SCYL2: variants seen among roughly 807,000 people sequenced by gnomAD.
SCYL2 encodes SCY1-like protein 2.
SCYL2 carries 36 observed loss-of-function variants against 100.4 expected under a neutral mutation model. The observed-to-expected ratio is 0.36, with a 90% CI of 0.27 to 0.47. SCYL2 has a LOEUF of 0.47. SCYL2 is among the 20% of genes least tolerant of loss of function. The pLI is 1.00. For synonymous variants in SCYL2, 330 were observed against 359.2 expected, an observed-to-expected ratio of 0.92 and a Z score of 0.92; for missense variants, 902 against 1,083.9, an observed-to-expected ratio of 0.83 and a Z score of 2.36.
At chr12:100,304,331 G>A (rs751548256) in intron 4 of SCYL2, among the ~76,000 whole-genome samples, 1 of 152,140 alleles carries the variant, frequency 6.6e-6, no homozygotes, top group Middle Eastern at 3.2e-3. Flanking sequence ...AGCCAGCTCG[G>A]TGTCTGCCCA....
At chr12:100,312,796 T>C (rs939222398) in intron 6 of SCYL2, 143 bp downstream of exon 6, 11 of 594,360 alleles carry the variant, frequency 1.9e-5, no homozygotes, top group Non-Finnish European at 2.8e-5. Context: ...AATAATTTAT[T>C]ATATTTTTAT....
chr12:100,278,646 T>G (rs2096294977), intron 1 of SCYL2, among the ~76,000 whole-genome samples: 1 of 151,228 alleles, frequency 6.6e-6, no homozygotes, highest in South Asian at 2.1e-4. Context: ...TTTTTTTTTT[T>G]TTGAGATGGA....
chr12:100,291,608 C>A lies in SCYL2; in HGVS notation c.283C>A (p.Arg95=), dbSNP rs562361393. The part of the protein sequence containing the change: ...SLKRGVQQLT[R]LRHPRLLTVQ... ...AAAACGAGGAGTCCAACAGTTAACT[C>A]GGCTTCGACACCCTCGACTTCTTAC... The change falls in exon 3 of 18, where the codon CGG becomes AGG. Residue 95 remains arginine, a synonymous_variant. Transcript: ENST00000360820. 6.3e-6 allele frequency: 10 copies of A among 1,599,436 alleles called. No homozygotes were observed. In the Admixed American group the frequency reaches 1.4e-4, roughly 22 times the overall value.
intron 4 of SCYL2, among the ~76,000 whole-genome samples, chr12:100,305,021 A>G (rs956997800): frequency 6.6e-6 from 1 of 152,216 alleles, no homozygotes; most frequent in Admixed American, 6.5e-5. Flanking sequence ...TTAGAGACCT[A>G]CAAAGAGACT....
At chr12:100,280,188 G>A (rs1410375098) in intron 1 of SCYL2, among the ~76,000 whole-genome samples, 6 of 152,164 alleles carry the variant, frequency 3.9e-5, no homozygotes, top group African/African-American at 1.4e-4. Flanking sequence ...AAAGCAAGAG[G>A]GCAGATTCAC....
At chr12:100,337,026 G>A (rs531267142) in intron 16 of SCYL2, among the ~76,000 whole-genome samples, 1 of 152,178 alleles carries the variant, frequency 6.6e-6, no homozygotes, top group South Asian at 2.1e-4. Flanking sequence ...TTTGCTTTTT[G>A]TGAGTTCCTA....
chr12:100,294,277 C>T (rs1173879025), intron 3 of SCYL2, among the ~76,000 whole-genome samples: 70 of 136,316 alleles, frequency 5.1e-4, no homozygotes, highest in Admixed American at 1.7e-3. Flanking sequence ...ACCTCCCTCC[C>T]GGACGGGGCG....
chr12:100,318,114 G>T (rs899206457), intron 10 of SCYL2, among the ~76,000 whole-genome samples, 189 bp downstream of exon 10: 21 of 152,246 alleles, frequency 1.4e-4, no homozygotes, highest in African/African-American at 4.6e-4. Flanking sequence ...TAAAGAATCA[G>T]TGTATTGTAA....
chr12:100,279,253 G>C (rs924012167), intron 1 of SCYL2, among the ~76,000 whole-genome samples: 3 of 152,186 alleles, frequency 2.0e-5, no homozygotes, highest in African/African-American at 4.8e-5. Flanking sequence ...CACAACCTAG[G>C]TCCCTTGCAT....
At chr12:100,313,368 A>G (rs1265183629) in intron 6 of SCYL2, 54 bp from the exon 7 acceptor site, 2 of 769,322 alleles carry the variant, frequency 2.6e-6, no homozygotes, top group Non-Finnish European at 4.3e-6. Context: ...TCTTAAATGT[A>G]TATGTCTTTT....
At position 100,337,458 on chromosome 12, in the gene SCYL2, G is replaced by A; in HGVS notation, c.2097G>A (p.Gln699=). 1.2e-6 allele frequency: 2 copies of A among 1,612,368 alleles called. No individual in the cohort carries two copies. The highest frequency in any genetic ancestry group is 1.7e-6 in the Non-Finnish European group (2 of 1,179,470). ...EQEQAQKLKS[Q]QPLKPQVHTP... ...AGCAGGCACAGAAGCTGAAAAGCCA[G>A]CAGCCTCTTAAACCCCAAGTGCACA... The change falls in exon 17 of 18, where the codon CAG becomes CAA. Residue 699 remains glutamine (Q), a synonymous_variant. Coordinates refer to ENST00000360820, the MANE Select transcript of SCYL2 (RefSeq NM_017988.6).
intron 8 of SCYL2, 135 bp downstream of exon 8, chr12:100,314,749 A>G (rs113151055): frequency 0.026 from 22,215 of 864,230 alleles, 365 homozygotes; most frequent in African/African-American, 0.059. Flanking sequence ...AACACTGCCA[A>G]CTGAAGCCAA....
rs77417027 is a variant in SCYL2, at chr12:100,334,014, T to C, written c.1762-152T>C. 1,100 of 534,030 alleles carry C rather than the reference T, an allele frequency of 2.1e-3. 10 individuals are homozygous for C. Among genetic ancestry groups the C allele is most frequent in the African/African-American group, 0.019 (962 of 51,854 alleles). The allele number at this position is 534,030 out of a possible 1,614,324, so 33.1% of individuals were successfully genotyped here. On this transcript the variant is annotated intron_variant, in intron 13 of 17. Coordinates refer to ENST00000360820, the MANE Select transcript of SCYL2 (RefSeq NM_017988.6). ...TGCTATGATATGCCGAATTTAAATGTATCATTCTTATTGAATATCAGCGCT... is the reference window on the plus strand; with the variant it reads ...TGCTATGATATGCCGAATTTAAATGCATCATTCTTATTGAATATCAGCGCT...
intron 3 of SCYL2, among the ~76,000 whole-genome samples, chr12:100,293,882 AT>A (rs1368172416): frequency 6.6e-6 from 1 of 152,086 alleles, no homozygotes; most frequent in African/African-American, 2.4e-5. Context: ...AGGCAGAAGA[AT>A]TTTTCTTAGT....
chr12:100,322,587 T>C (rs1299378139), intron 10 of SCYL2, among the ~76,000 whole-genome samples: 2 of 151,994 alleles, frequency 1.3e-5, no homozygotes, highest in African/African-American at 4.8e-5. Context: ...TGAGACCTTG[T>C]CTTTACAAAA....
intron 10 of SCYL2, among the ~76,000 whole-genome samples, chr12:100,322,988 A>G (rs1180747499): frequency 6.6e-6 from 1 of 150,752 alleles, no homozygotes. Flanking sequence ...TGATTGCGTC[A>G]CTGCACTCCA....
intron 4 of SCYL2, among the ~76,000 whole-genome samples, chr12:100,310,560 T>C (rs2096341001): frequency 6.6e-6 from 1 of 152,204 alleles, no homozygotes; most frequent in Non-Finnish European, 1.5e-5. Flanking sequence ...GGGACAAATA[T>C]AAAAATTACC....
chr12:100,311,027 G>GT lies in SCYL2; in HGVS notation c.481-11dup, dbSNP rs780125905. The GT allele has an allele frequency of 3.9e-6, 6 of 1,528,658 alleles. No individual in the cohort carries two copies. Among genetic ancestry groups the GT allele is most frequent in the Non-Finnish European group, 5.2e-6 (6 of 1,143,728 alleles). The allele number at this position is 1,528,658 out of a possible 1,614,324, so 94.7% of individuals were successfully genotyped here. On this transcript the variant is annotated splice_polypyrimidine_tract_variant and intron_variant, in intron 4 of 17. Coordinates refer to ENST00000360820, the MANE Select transcript of SCYL2 (RefSeq NM_017988.6). ...AGGAGTTTTATTTAGTGTAAAATGT[G>GT]TTTTTTCCATTTACAGGTTTCTGAA... is the stretch of plus-strand genomic sequence containing the variant.
intron 4 of SCYL2, 41 bp from the exon 5 acceptor site, chr12:100,311,003 G>A (rs1227408391): frequency 7.0e-7 from 1 of 1,428,700 alleles, no homozygotes; most frequent in Non-Finnish European, 9.3e-7. Flanking sequence ...ATAATTGAAA[G>A]GAGTTTTATT....
Sources: allele counts gnomAD v4.1 joint callset (sites outside exome capture counted in the v4.1 genomes callset), GRCh38; gene constraint gnomAD v4.1.1; transcripts MANE v1.5; gene names NCBI Gene and HGNC (gene_info 2026-07-23, HGNC 2026-07-21).